NCK1: variants seen among roughly 807,000 people sequenced by gnomAD.
The protein encoded by NCK1 is NCK adaptor protein 1, also known as SH2/SH3 adapter protein NCK1.
NCK1 carries 19 observed loss-of-function variants against 36.6 expected under a neutral mutation model. The ratio of observed to expected loss-of-function variants is 0.52; its 90% confidence interval spans 0.36 to 0.76. The LOEUF (loss-of-function observed/expected upper bound fraction) is 0.76, where lower values mean the gene tolerates loss of function less well. NCK1 is among the 30% of genes least tolerant of loss of function. NCK1 has a pLI of 0.00. For missense variants in NCK1, 358 were observed against 445.6 expected, an observed-to-expected ratio of 0.80 and a Z score of 1.77; for synonymous variants, 165 against 156.0, an observed-to-expected ratio of 1.06 and a Z score of -0.43.
chr3:136,912,162 CTTTTTTT>C (rs57596314), intron 1 of NCK1, among the ~76,000 whole-genome samples: 32 of 128,162 alleles, frequency 2.5e-4, no homozygotes, highest in East Asian at 2.1e-4. Context: ...ATTATTTTTT[CTTTTTTT>C]TTTTTTTTTT....
At chr3:136,882,595 G>A (rs1377799130) in intron 1 of NCK1, among the ~76,000 whole-genome samples, 2 of 149,898 alleles carry the variant, frequency 1.3e-5, no homozygotes, top group East Asian at 3.9e-4. Context: ...GTGTGTTGAG[G>A]GGCACCTTTG....
In NCK1 at chr3:136,870,149, C is replaced by T. The variant is rs796951962; in HGVS notation, c.-19+7796C>T. On this transcript the variant is annotated intron_variant, in intron 1 of 3. Coordinates refer to ENST00000481752, the MANE Select transcript of NCK1 (RefSeq NM_001291999.2). ...TTGAGGTCAGGAGTTCGAGACCAGC[C>T]TGGCCAACATGGTGAAACCCTGTCT... 3.8e-4 allele frequency among the ~76,000 whole-genome samples: 58 copies of T among 150,658 alleles called. 1 individual carries two copies. Among genetic ancestry groups the T allele is most frequent in the African/African-American group, 1.4e-3 (57 of 41,034 alleles).
intron 3 of NCK1, among the ~76,000 whole-genome samples, chr3:136,946,703 T>G (rs377649996): frequency 3.9e-5 from 6 of 152,296 alleles, no homozygotes; most frequent in African/African-American, 1.4e-4. Context: ...ACTGTAGTCC[T>G]TATGACATAG....
At chr3:136,947,269 T>C (rs1940855141) in intron 3 of NCK1, among the ~76,000 whole-genome samples, 1 of 152,082 alleles carries the variant, frequency 6.6e-6, no homozygotes. Flanking sequence ...GGCTCACTGT[T>C]TGAAACTTTG....
intron 1 of NCK1, among the ~76,000 whole-genome samples, chr3:136,880,396 T>TA (rs965416112): frequency 6.6e-6 from 1 of 152,024 alleles, no homozygotes; most frequent in African/African-American, 2.4e-5. Context: ...TCGGGCCTTT[T>TA]AAAAAAGGGA....
At chr3:136,895,088 T>C (rs973130658) in intron 1 of NCK1, among the ~76,000 whole-genome samples, 1 of 152,164 alleles carries the variant, frequency 6.6e-6, no homozygotes, top group Admixed American at 6.5e-5. Flanking sequence ...TTGGTCAGGC[T>C]GGTCTCGAAC....
chr3:136,948,220 CA>C (rs776810119), intron 3 of NCK1, 38 bp from the exon 4 acceptor site: 1 of 1,480,740 alleles, frequency 6.8e-7, no homozygotes, highest in Non-Finnish European at 9.0e-7. Context: ...AGAGGGCTTT[CA>C]AAATGTTTAC....
At chr3:136,905,683 G>A (rs1341203982) in intron 1 of NCK1, among the ~76,000 whole-genome samples, 1 of 151,910 alleles carries the variant, frequency 6.6e-6, no homozygotes, top group Non-Finnish European at 1.5e-5. Context: ...GGAGTGCAAT[G>A]GTGTGATCAT....
At chr3:136,890,660 T>C (rs920752499) in intron 1 of NCK1, among the ~76,000 whole-genome samples, 8 of 152,250 alleles carry the variant, frequency 5.3e-5, no homozygotes, top group African/African-American at 1.4e-4. Context: ...GAGTTTTTTC[T>C]CCCTTATGCC....
chr3:136,893,855 C>G (rs773363408), intron 1 of NCK1, among the ~76,000 whole-genome samples: 33 of 152,166 alleles, frequency 2.2e-4, no homozygotes, highest in Non-Finnish European at 2.9e-5. Context: ...TCATTACCTT[C>G]TTTTACTACC....
chr3:136,884,825 A>T (rs899330017), intron 1 of NCK1, among the ~76,000 whole-genome samples: 3 of 150,774 alleles, frequency 2.0e-5, no homozygotes, highest in South Asian at 2.1e-4. Flanking sequence ...AGTTCAAGGG[A>T]TTCTCCTGCC....
At chr3:136,926,676 ATTTAC>A (rs1422491495) in intron 1 of NCK1, among the ~76,000 whole-genome samples, 1 of 152,152 alleles carries the variant, frequency 6.6e-6, no homozygotes, top group Non-Finnish European at 1.5e-5. Flanking sequence ...TTTTAAAATT[ATTTAC>A]TTCTAAGTAT....
intron 1 of NCK1, among the ~76,000 whole-genome samples, chr3:136,926,538 G>C (rs886409779): frequency 1.3e-5 from 2 of 151,984 alleles, no homozygotes; most frequent in South Asian, 4.1e-4. Context: ...GCCTCCTGAA[G>C]TGCTGGGATT....
intron 1 of NCK1, chr3:136,867,582 T>C (rs1490020919): frequency 2.6e-5 from 4 of 151,994 alleles, no homozygotes; most frequent in Admixed American, 6.6e-5. Context: ...CTTATTATTT[T>C]AGTATTCCCT....
At chr3:136,883,709 C>T (rs1018400749) in intron 1 of NCK1, among the ~76,000 whole-genome samples, 5 of 151,984 alleles carry the variant, frequency 3.3e-5, no homozygotes, top group Admixed American at 1.3e-4. Flanking sequence ...TATATAGAAC[C>T]GACTGAAATG....
chr3:136,896,040 C>T (rs539964462), intron 1 of NCK1, among the ~76,000 whole-genome samples: 4 of 151,942 alleles, frequency 2.6e-5, no homozygotes, highest in East Asian at 1.9e-4. Context: ...TACATATTTA[C>T]GAGGCACATG....
At chr3:136,921,332 G>T (rs932611185) in intron 1 of NCK1, among the ~76,000 whole-genome samples, 1 of 152,202 alleles carries the variant, frequency 6.6e-6, no homozygotes, top group African/African-American at 2.4e-5. Context: ...TAGAGGACGT[G>T]CTCCAGCAAA....
chr3:136,879,643 A>G (rs1938873164), intron 1 of NCK1, among the ~76,000 whole-genome samples: 2 of 152,202 alleles, frequency 1.3e-5, no homozygotes, highest in African/African-American at 4.8e-5. Context: ...GGATAAAGAA[A>G]ATGTGGCACA....
intron 1 of NCK1, among the ~76,000 whole-genome samples, chr3:136,863,515 T>C (rs915719554): frequency 6.6e-6 from 1 of 152,236 alleles, no homozygotes; most frequent in African/African-American, 2.4e-5. Flanking sequence ...TATTCTTAAA[T>C]AGGCATCCCA....
Sources: allele counts gnomAD v4.1 joint callset (sites outside exome capture counted in the v4.1 genomes callset), GRCh38; gene constraint gnomAD v4.1.1; transcripts MANE v1.5; gene names NCBI Gene and HGNC (gene_info 2026-07-23, HGNC 2026-07-21).